The following FARS2 variants were observed in gnomAD, a reference collection of about 807,000 sequenced individuals.
FARS2 encodes phenylalanyl-tRNA synthetase 2, mitochondrial, also known as phenylalanine--tRNA ligase, mitochondrial.
A neutral mutation model predicts 46.4 loss-of-function variants in FARS2; 40 were observed. That is an observed-to-expected ratio of 0.86 (90% CI 0.67 to 1.12). The LOEUF (loss-of-function observed/expected upper bound fraction) is 1.12, where lower values mean the gene tolerates loss of function less well. Among genes scored for constraint, FARS2 ranks in the 50% most tolerant of loss-of-function variants. The probability of loss-of-function intolerance (pLI) is 0.00; values close to 1 mark genes in which losing one functional copy is unlikely to be tolerated. For synonymous variants in FARS2, 234 were observed against 214.9 expected (o/e 1.09, Z -0.78); for missense variants, 513 against 567.9 (o/e 0.90, Z 0.98).
intron 4 of FARS2, among the ~76,000 whole-genome samples, chr6:5,524,326 A>G (rs1448658058): frequency 3.3e-5 from 5 of 152,218 alleles, no homozygotes; most frequent in Non-Finnish European, 7.3e-5. Flanking sequence ...GTGCCTGACT[A>G]CAGAGTGAGC....
At position 5,771,321 on chromosome 6, in the gene FARS2, C is replaced by G; in HGVS notation, c.1248C>G (p.Ile416Met). Reference sequence around the variant, plus strand: ...ACAAGACCAGCCACTGCTACCGCATCACGTACCGCCACATGGAACGGACTC... The same window carrying G: ...ACAAGACCAGCCACTGCTACCGCATGACGTACCGCCACATGGAACGGACTC... ...KTHKTSHCYR[I>M]TYRHMERTLS... is the part of the protein sequence containing the mutation. The change falls in exon 7 of 7, where the codon ATC becomes ATG. Residue 416 changes from isoleucine (I) to methionine (M), a missense_variant. By Grantham distance (10) the Ile-to-Met change is conservative (BLOSUM62 1). Coordinates refer to ENST00000274680, the MANE Select transcript of FARS2 (RefSeq NM_006567.5). 1 of 1,614,224 alleles carries G rather than the reference C, an allele frequency of 6.2e-7. No homozygotes were observed. The highest frequency in any genetic ancestry group is 8.5e-7 in the Non-Finnish European group (1 of 1,180,036).
chr6:5,545,629 G>A (rs1351233687), intron 5 of FARS2, among the ~76,000 whole-genome samples: 1 of 151,928 alleles, frequency 6.6e-6, no homozygotes, highest in Non-Finnish European at 1.5e-5. Flanking sequence ...CCCGCAACAG[G>A]CCCCGGTGTG....
At chr6:5,338,180 T>C (rs1325609548) in intron 1 of FARS2, among the ~76,000 whole-genome samples, 2 of 152,162 alleles carry the variant, frequency 1.3e-5, no homozygotes, top group Non-Finnish European at 2.9e-5. Flanking sequence ...GACCTATAGA[T>C]TATATAGAAT....
At chr6:5,760,677 C>T (rs1469694064) in intron 6 of FARS2, among the ~76,000 whole-genome samples, 1 of 152,220 alleles carries the variant, frequency 6.6e-6, no homozygotes, top group African/African-American at 2.4e-5. Flanking sequence ...CGTCTGTACA[C>T]GCAGACCAGC....
chr6:5,745,415 AC>A (rs1480926805), intron 6 of FARS2, among the ~76,000 whole-genome samples: 1 of 152,262 alleles, frequency 6.6e-6, no homozygotes, highest in Non-Finnish European at 1.5e-5. Flanking sequence ...ATAGATAAAT[AC>A]CAATTTCTGT....
intron 6 of FARS2, among the ~76,000 whole-genome samples, chr6:5,697,144 G>C (rs987053656): frequency 2.0e-5 from 3 of 151,874 alleles, no homozygotes; most frequent in African/African-American, 7.3e-5. Flanking sequence ...GGAAAATACC[G>C]GTAAGCTCAC....
chr6:5,410,592 C>T (rs1414243070), intron 3 of FARS2, among the ~76,000 whole-genome samples: 1 of 152,020 alleles, frequency 6.6e-6, no homozygotes, highest in Non-Finnish European at 1.5e-5. Context: ...TATCTAGGTG[C>T]CATCAACCTG....
At chr6:5,688,449 T>G (rs1757424146) in intron 6 of FARS2, among the ~76,000 whole-genome samples, 2 of 152,210 alleles carry the variant, frequency 1.3e-5, no homozygotes, top group South Asian at 4.1e-4. Flanking sequence ...TCTGCATCTA[T>G]TGAGATAATC....
intron 4 of FARS2, among the ~76,000 whole-genome samples, chr6:5,460,063 C>A (rs1765154133): frequency 6.6e-6 from 1 of 152,184 alleles, no homozygotes; most frequent in Non-Finnish European, 1.5e-5. Context: ...CGGTGCTCTG[C>A]ATTAGGTTAT....
intron 6 of FARS2, among the ~76,000 whole-genome samples, chr6:5,713,671 A>G (rs1319663181): frequency 6.6e-6 from 1 of 152,266 alleles, no homozygotes; most frequent in Non-Finnish European, 1.5e-5. Context: ...GTGAGTGAGC[A>G]TTGCTCAAGG....
intron 6 of FARS2, among the ~76,000 whole-genome samples, chr6:5,729,079 A>G (rs1760460724): frequency 6.6e-6 from 1 of 152,232 alleles, no homozygotes; most frequent in South Asian, 2.1e-4. Flanking sequence ...CTCATACTGC[A>G]GATGACTCTT....
chr6:5,684,187 T>C (rs1050597247), intron 6 of FARS2, among the ~76,000 whole-genome samples: 3 of 152,170 alleles, frequency 2.0e-5, no homozygotes, highest in African/African-American at 7.2e-5. Context: ...GGTGTCATCA[T>C]TGTTACCTGC....
At chr6:5,768,059 A>G (rs1762841254) in intron 6 of FARS2, among the ~76,000 whole-genome samples, 1 of 152,170 alleles carries the variant, frequency 6.6e-6, no homozygotes, top group Non-Finnish European at 1.5e-5. Flanking sequence ...ACTCCTGACC[A>G]CTTGCCAGCT....
chr6:5,499,639 C>T (rs1174903508), intron 4 of FARS2, among the ~76,000 whole-genome samples: 1 of 152,102 alleles, frequency 6.6e-6, no homozygotes, highest in Admixed American at 6.5e-5. Flanking sequence ...CTCAAGTTCC[C>T]CGTAGAGTTC....
rs527723027 is a variant in FARS2 at position 5,499,163 on chromosome 6, T to A, written c.905-46017T>A. ...TTAAAAGAATCTTGGGCGAGGCGTG[T>A]ATCGATGAAGGCTGCATCTGACCTT... On this transcript the variant is annotated intron_variant, in intron 4 of 6. Transcript: ENST00000274680. 1.8e-4 allele frequency among the ~76,000 whole-genome samples: 27 copies of A among 152,304 alleles called. No homozygotes were observed. The East Asian group carries it at 4.1e-3, about 23-fold the overall frequency.
chr6:5,405,351 GATT>G (rs1432924021), intron 3 of FARS2, among the ~76,000 whole-genome samples: 1 of 152,074 alleles, frequency 6.6e-6, no homozygotes, highest in African/African-American at 2.4e-5. Context: ...AAAGAAAAAT[GATT>G]ATAACGTTTG....
At chr6:5,328,753 C>G (rs1331377838) in intron 1 of FARS2, among the ~76,000 whole-genome samples, 1 of 151,828 alleles carries the variant, frequency 6.6e-6, no homozygotes, top group Non-Finnish European at 1.5e-5. Context: ...GCAAGAAGGC[C>G]TTGTAAGTAA....
chr6:5,326,686 G>A (rs549315957), intron 1 of FARS2, among the ~76,000 whole-genome samples: 2 of 152,306 alleles, frequency 1.3e-5, no homozygotes, highest in South Asian at 4.1e-4. Context: ...GTGGCCATCT[G>A]GGTGACCTGA....
intron 6 of FARS2, among the ~76,000 whole-genome samples, chr6:5,679,773 G>GT (rs1778940019): frequency 6.6e-6 from 1 of 150,984 alleles, no homozygotes; most frequent in South Asian, 2.1e-4. Context: ...TCCTTTCCTG[G>GT]TTTTTCCTGA....
Sources: gnomAD v4.1 joint callset for allele counts (sites outside exome capture counted in the v4.1 genomes callset) on GRCh38, gnomAD v4.1.1 for gene constraint, MANE v1.5 for transcripts, NCBI Gene and HGNC (gene_info 2026-07-23, HGNC 2026-07-21) for gene names.